The following A3GALT2 variants were observed in gnomAD, a reference collection of about 807,000 sequenced individuals.
A3GALT2 encodes the protein alpha 1,3-galactosyltransferase 2.
A3GALT2 carries 14 observed loss-of-function variants against 16.6 expected under a neutral mutation model. That is an observed-to-expected ratio of 0.84 (90% CI 0.56 to 1.32). The LOEUF is 1.32. A3GALT2 is among the 40% of genes most tolerant of loss of function. A3GALT2 has a pLI of 0.00. For synonymous variants in A3GALT2, 253 were observed against 218.0 expected, an observed-to-expected ratio of 1.16 and a Z score of -1.42; for missense variants, 600 against 490.9, an observed-to-expected ratio of 1.22 and a Z score of -2.10.
At chr1:33,312,624 C>T (rs75640182) in intron 2 of A3GALT2, 34 bp from the exon 3 acceptor site, 10 of 1,535,132 alleles carry the variant, frequency 6.5e-6, no homozygotes, top group Admixed American at 3.8e-5. Context: ...GGCAGGCAGC[C>T]GTGAGAAGCA....
At chr1:33,308,914 G>A (rs943087706) in intron 4 of A3GALT2, among the ~76,000 whole-genome samples, 7 of 151,794 alleles carry the variant, frequency 4.6e-5, no homozygotes, top group Admixed American at 2.6e-4. Flanking sequence ...AGGACCCTGC[G>A]GCCTTCTGCA....
chr1:33,319,953 C>T (rs1338321200), intron 1 of A3GALT2, among the ~76,000 whole-genome samples: 2 of 152,006 alleles, frequency 1.3e-5, no homozygotes, highest in Non-Finnish European at 1.5e-5. Context: ...ATTTGCACGG[C>T]GGGTAATGGG....
At position 33,306,828 on chromosome 1, in the gene A3GALT2, C is replaced by A; in HGVS notation, c.961G>T (p.Ala321Ser). Residue 321 changes from alanine (A) to serine (S), a missense_variant, in exon 5 of 5, where the codon GCC (alanine) becomes TCC (serine). Transcript: ENST00000442999. ...FCWSPDIGPR[A>S]EIRRPRLLWA... ...AGCAGTCGCGGGCGGCGGATCTCGG[C>A]CCGCGGGCCGATGTCCGGGCTCCAG... 1 of 1,493,718 alleles carries A rather than the reference C, an allele frequency of 6.7e-7. No homozygotes were observed. Among genetic ancestry groups the A allele is most frequent in the Non-Finnish European group, 8.9e-7 (1 of 1,128,456 alleles). 92.5% of individuals were successfully genotyped at this position (1,493,718 alleles called of 1,614,324 possible).
At position 33,309,373 on chromosome 1, in the gene A3GALT2, C is replaced by CG. The variant is rs1021664522; in HGVS notation, c.336-1921dup. ...CAGAGGCGCCCCCCCACCTCCCAGA[C>CG]GGGGGGCTGGCCGGGCGGGGGCTGC... On this transcript the variant is annotated intron_variant, in intron 4 of 4. Transcript: ENST00000442999. Among the ~76,000 whole-genome samples, 15 of 146,624 alleles carry CG rather than the reference C, an allele frequency of 1.0e-4. No individual in the cohort carries two copies. In the East Asian group the frequency reaches 3.0e-3, roughly 30 times the overall value.
intron 4 of A3GALT2, among the ~76,000 whole-genome samples, chr1:33,308,362 G>GA (rs1156869051): frequency 6.6e-6 from 1 of 151,992 alleles, no homozygotes; most frequent in Non-Finnish European, 1.5e-5. Context: ...GAGAGCATGA[G>GA]AAGAGGAGCC....
intron 3 of A3GALT2, 41 bp from the exon 4 acceptor site, chr1:33,312,230 A>T (rs773738376): frequency 1.2e-6 from 2 of 1,609,078 alleles, no homozygotes; most frequent in Admixed American, 3.4e-5. Flanking sequence ...AGCTCCATTC[A>T]TCCACCCACT....
rs58355924 is a variant in A3GALT2, at chr1:33,317,893, T to C, written c.23+3183A>G. Among the ~76,000 whole-genome samples the C allele has an allele frequency of 9.8e-5, 15 of 152,340 alleles. No individual in the cohort carries two copies. The East Asian group carries it at 2.9e-3, about 29-fold the overall frequency. ...GCATTTCCTTTGAATGTCCTGTCAG[T>C]GCTCAAAAAATTTCGGATTCTAGAG... On this transcript the variant is annotated intron_variant, in intron 1 of 4. Transcript: ENST00000442999.
Position 33,307,012 on chromosome 1 carries a change from C to A in A3GALT2, c.777G>T (p.Gly259=). The A allele has an allele frequency of 6.8e-7, 1 of 1,468,980 alleles. No homozygotes were observed. Among genetic ancestry groups the A allele is most frequent in the South Asian group, 1.3e-5 (1 of 74,656 alleles). 91.0% of individuals were successfully genotyped at this position (1,468,980 alleles called of 1,614,324 possible). The change falls in exon 5 of 5, where the codon GGG becomes GGT. Residue 259 remains glycine (G), a synonymous_variant. Transcript: ENST00000442999. ...GDFYNHAAVF[G]GSVAALRGLT... ...GCCCGCGCAGCGCCGCCACGCTGCC[C>A]CCGAACACCGCCGCGTGGTTATAGA...
intron 1 of A3GALT2, among the ~76,000 whole-genome samples, chr1:33,316,675 T>C (rs191374926): frequency 7.2e-5 from 11 of 152,002 alleles, no homozygotes; most frequent in Non-Finnish European, 1.2e-4. Flanking sequence ...TGGGCAAGAC[T>C]TGGCCATGGA....
Position 33,320,369 on chromosome 1 carries a change from C to T in A3GALT2, c.23+707G>A, listed in dbSNP as rs912745302. On this transcript the variant is annotated intron_variant, in intron 1 of 4. Transcript: ENST00000442999. This position sits in a 1 kb window ranked among gnomAD's most constrained non-coding sequence, Gnocchi z 4.3. The stretch of plus-strand genomic sequence containing the variant: ...TCCTCCCAACCAGGGTAGGGCAAAC[C>T]GATGCTTATTCTGGGCTCTGGGCCT... Among the ~76,000 whole-genome samples, 2 of 152,054 alleles carry T rather than the reference C, an allele frequency of 1.3e-5. No individual in the cohort carries two copies. Among genetic ancestry groups the T allele is most frequent in the African/African-American group, 4.8e-5 (2 of 41,464 alleles).
At chr1:33,314,549 C>G (rs1646252615) in intron 1 of A3GALT2, 1 of 152,632 alleles carries the variant, frequency 6.6e-6, no homozygotes, top group Non-Finnish European at 1.5e-5. Flanking sequence ...GAGCACAGCC[C>G]CTCCTCCAGT....
chr1:33,309,159 T>A, intron 4 of A3GALT2, among the ~76,000 whole-genome samples: 1 of 152,196 alleles, frequency 6.6e-6, no homozygotes. Flanking sequence ...GTATCCTATG[T>A]CTACTTCTTT....
chr1:33,307,136 GC>G lies in A3GALT2; in HGVS notation c.652del (p.Ala218ArgfsTer51). The stretch of plus-strand genomic sequence containing the variant: ...GTGGTAGTGCCAGGAGTGCAGCTGC[GC>G]CACCGACTCGGCCAGCGCCTCGGGC... ...FGPEALAESVAQLHSWHYHWP... is the reference protein window; with the variant it reads ...FGPEALAESVXQLHSWHYHWP... On this transcript the variant is annotated frameshift_variant, in exon 5 of 5. Coordinates refer to ENST00000442999, the MANE Select transcript of A3GALT2 (RefSeq NM_001080438.1). LOFTEE classifies it low-confidence loss of function (END_TRUNC). 6.5e-7 allele frequency: 1 copy of G among 1,543,354 alleles called. No homozygotes were observed. Among genetic ancestry groups the G allele is most frequent in the Non-Finnish European group, 8.7e-7 (1 of 1,147,684 alleles).
chr1:33,312,593 G>A lies in A3GALT2; in HGVS notation c.108-3C>T, dbSNP rs775034517. On this transcript the variant is annotated splice_region_variant and splice_polypyrimidine_tract_variant and intron_variant, in intron 2 of 4. Coordinates refer to ENST00000442999, the MANE Select transcript of A3GALT2 (RefSeq NM_001080438.1). ...TGGGGATGAGGGCTTCCAGATGCCT[G>A]TGGTGGGTTGAGGGGCGGGGGGCAG... 6 of 1,580,360 alleles carry A rather than the reference G, an allele frequency of 3.8e-6. No individual in the cohort carries two copies. The highest frequency in any genetic ancestry group is 1.8e-5 in the Admixed American group (1 of 56,030).
rs1046314240 is a variant in A3GALT2, at chr1:33,320,038, C to T, written c.23+1038G>A. 1.3e-5 allele frequency among the ~76,000 whole-genome samples: 2 copies of T among 151,962 alleles called. No individual in the cohort carries two copies. The highest frequency in any genetic ancestry group is 4.8e-5 in the African/African-American group (2 of 41,432). Reference sequence around the variant, plus strand: ...AGCATGGCATTTGGGTTCCATTTGACCTGGGCCTAGCTCAGCCCTGAGGCT... The same window carrying T: ...AGCATGGCATTTGGGTTCCATTTGATCTGGGCCTAGCTCAGCCCTGAGGCT... On this transcript the variant is annotated intron_variant, in intron 1 of 4. Coordinates refer to ENST00000442999, the MANE Select transcript of A3GALT2 (RefSeq NM_001080438.1). This position sits in a 1 kb window ranked among gnomAD's most constrained non-coding sequence, Gnocchi z 4.3.
intron 4 of A3GALT2, among the ~76,000 whole-genome samples, chr1:33,308,478 T>C (rs1646214400): frequency 6.6e-6 from 1 of 152,140 alleles, no homozygotes; most frequent in African/African-American, 2.4e-5. Context: ...CTATCTCAGC[T>C]CACTACAACC....
intron 1 of A3GALT2, among the ~76,000 whole-genome samples, chr1:33,319,361 G>T (rs1646275306): frequency 6.6e-6 from 1 of 152,206 alleles, no homozygotes; most frequent in Admixed American, 6.5e-5. Context: ...CTGGGCCAGG[G>T]TCACTGTGTG....
intron 4 of A3GALT2, among the ~76,000 whole-genome samples, chr1:33,308,715 AATT>A (rs1248686718): frequency 1.5e-5 from 2 of 137,368 alleles, no homozygotes; most frequent in Non-Finnish European, 3.0e-5. Context: ...CCCTCCACAG[AATT>A]ATTATTATTA....
rs540336021 is a variant in A3GALT2 at position 33,317,511 on chromosome 1, T to C, written c.23+3565A>G. ...AGTGCAGGACACCGTCCACATCTCTTAACCATGCCTGAGAAGCCTCCCAAG... is the reference window on the plus strand; with the variant it reads ...AGTGCAGGACACCGTCCACATCTCTCAACCATGCCTGAGAAGCCTCCCAAG... On this transcript the variant is annotated intron_variant, in intron 1 of 4. Transcript: ENST00000442999. Among the ~76,000 whole-genome samples the C allele has an allele frequency of 2.0e-5, 3 of 152,340 alleles. No homozygotes were observed. In the South Asian group the frequency reaches 6.2e-4, roughly 32 times the overall value.
Sources: gnomAD v4.1 joint callset for allele counts (sites outside exome capture counted in the v4.1 genomes callset) on GRCh38, gnomAD v4.1.1 for gene constraint, Gnocchi (gnomAD v3.1) non-coding constraint, MANE v1.5 for transcripts, NCBI Gene and HGNC (gene_info 2026-07-23, HGNC 2026-07-21) for gene names.